MRPL21: variants seen among roughly 807,000 people sequenced by gnomAD.
MRPL21 encodes the protein large ribosomal subunit protein bL21m.
In MRPL21, 20 loss-of-function variants were observed where a neutral mutation model predicts 27.3. The ratio of observed to expected loss-of-function variants is 0.73; its 90% confidence interval spans 0.52 to 1.06. The LOEUF (loss-of-function observed/expected upper bound fraction) is 1.06. MRPL21 is among the 50% of genes least tolerant of loss of function. The pLI, the probability that MRPL21 is intolerant of heterozygous loss-of-function variation, is 0.00. For synonymous variants in MRPL21, 98 were observed against 101.5 expected (o/e 0.97, Z 0.21); for missense variants, 249 against 251.4 (o/e 0.99, Z 0.06).
rs536661522 is a variant in MRPL21 at position 68,897,928 on chromosome 11, T to A, written c.231A>T (p.Ala77=). The stretch of plus-strand genomic sequence containing the variant: ...TTCTGTCTCCCAGGGAGGTCTTACC[T>A]GCATGGTGTCTGGTCTCCTCAACTG... ...PDPVEETRHH[A]EVVKKVNEMI... Residue 77 remains alanine (A), a splice_region_variant and synonymous_variant, in exon 3 of 7, where the codon GCA becomes GCT. Coordinates refer to ENST00000362034, the MANE Select transcript of MRPL21 (RefSeq NM_181514.2). 2.5e-6 allele frequency: 4 copies of A among 1,613,788 alleles called. No homozygotes were observed. The East Asian group carries it at 8.9e-5, about 36-fold the overall frequency.
chr11:68,897,838 C>T (rs762041764), intron 3 of MRPL21, 89 bp downstream of exon 3: 14 of 953,974 alleles, frequency 1.5e-5, no homozygotes, highest in Non-Finnish European at 2.0e-5. Flanking sequence ...CATGAAGCCT[C>T]GTTCTGTGGC....
rs201368826 is a variant in MRPL21, at chr11:68,896,694, G to T, written c.233-16C>A. On this transcript the variant is annotated splice_polypyrimidine_tract_variant and intron_variant, in intron 3 of 6. Coordinates refer to ENST00000362034, the MANE Select transcript of MRPL21 (RefSeq NM_181514.2). ...TTCACGACCTCTGCAGGGGAAGGCGGGTGGGTGGGCAGTCACCCTCACCTG... is the reference window on the plus strand; with the variant it reads ...TTCACGACCTCTGCAGGGGAAGGCGTGTGGGTGGGCAGTCACCCTCACCTG... 6.2e-7 allele frequency: 1 copy of T among 1,612,548 alleles called. No individual in the cohort carries two copies. Among genetic ancestry groups the T allele is most frequent in the Non-Finnish European group, 8.5e-7 (1 of 1,179,620 alleles).
intron 1 of MRPL21, among the ~76,000 whole-genome samples, chr11:68,902,685 T>TGGTA (rs1207504032): frequency 4.6e-5 from 7 of 152,224 alleles, no homozygotes; most frequent in Non-Finnish European, 4.4e-5. Flanking sequence ...CATTAGGGGT[T>TGGTA]CACCCTTGGT....
intron 2 of MRPL21, among the ~76,000 whole-genome samples, chr11:68,900,092 T>C (rs146951724): frequency 1.2e-3 from 181 of 152,338 alleles, no homozygotes; most frequent in African/African-American, 4.2e-3. Context: ...TACCTAAAAA[T>C]GTTTTCTCAA....
intron 1 of MRPL21, among the ~76,000 whole-genome samples, chr11:68,901,775 TA>T (rs893227208): frequency 1.3e-5 from 2 of 152,202 alleles, no homozygotes; most frequent in Non-Finnish European, 2.9e-5. Context: ...TGGTTTTGCA[TA>T]CCCACCTATC....
At chr11:68,903,521 G>A (rs767618308) in intron 1 of MRPL21, among the ~76,000 whole-genome samples, 1 of 152,182 alleles carries the variant, frequency 6.6e-6, no homozygotes, top group South Asian at 2.1e-4. Flanking sequence ...AAAGTTCAAG[G>A]GCTATTGTCA....
At chr11:68,894,233 C>T (rs188895533) in intron 4 of MRPL21, among the ~76,000 whole-genome samples, 4 of 152,242 alleles carry the variant, frequency 2.6e-5, no homozygotes, top group Admixed American at 2.0e-4. Context: ...AATCACGACA[C>T]CAAGTGTGGC....
chr11:68,892,789 G>A (rs1255746691), intron 6 of MRPL21, 101 bp downstream of exon 6: 1 of 1,550,526 alleles, frequency 6.4e-7, no homozygotes, highest in Admixed American at 2.0e-5. Context: ...ACCTGCCTGG[G>A]CTTCCTGTCC....
intron 3 of MRPL21, 73 bp downstream of exon 3, chr11:68,897,854 G>T: frequency 8.6e-7 from 1 of 1,167,994 alleles, no homozygotes; most frequent in Non-Finnish European, 1.3e-6. Context: ...GTGGCCTGGT[G>T]ACAACCTCTG....
Position 68,897,938 on chromosome 11 carries a change from C to T in MRPL21, c.221G>A (p.Arg74Lys), listed in dbSNP as rs368027804. ...VVLPDPVEET[R>K]HHAEVVKKVN... ...CAGGGAGGTCTTACCTGCATGGTGT[C>T]TGGTCTCCTCAACTGGGTCTGGCAG... The change falls in exon 3 of 7, where the codon AGA becomes AAA. Residue 74 changes from arginine to lysine, a missense_variant. Coordinates refer to ENST00000362034, the MANE Select transcript of MRPL21 (RefSeq NM_181514.2). 6.2e-7 allele frequency: 1 copy of T among 1,614,120 alleles called. No homozygotes were observed. Among genetic ancestry groups the T allele is most frequent in the East Asian group, 2.2e-5 (1 of 44,882 alleles).
intron 2 of MRPL21, among the ~76,000 whole-genome samples, chr11:68,898,657 C>G (rs1293407809): frequency 6.6e-6 from 1 of 152,234 alleles, no homozygotes; most frequent in East Asian, 1.9e-4. Flanking sequence ...TATTAGATGG[C>G]TACTGTTCAC....
Position 68,897,048 on chromosome 11 carries a change from T to G in MRPL21, c.233-370A>C, listed in dbSNP as rs118095046. On this transcript the variant is annotated intron_variant, in intron 3 of 6. Coordinates refer to ENST00000362034, the MANE Select transcript of MRPL21 (RefSeq NM_181514.2). ...AAACCCTCCACCTGGTTCATTCTCA[T>G]GAGAATGAGGAGCCAGCAGACCAGA... Among the ~76,000 whole-genome samples, 193 of 152,214 alleles carry G rather than the reference T, an allele frequency of 1.3e-3. 2 individuals are homozygous for G. The East Asian group carries it at 0.033, about 26-fold the overall frequency.
chr11:68,896,625 A>G lies in MRPL21; in HGVS notation c.286T>C (p.Phe96Leu). The part of the protein sequence containing the change: ...MIVTGQYGRL[F>L]AVVHFASRQW... ...CGGCTGGCAAAGTGCACCACGGCAA[A>G]GAGCCTGCCATACTGCCCCGTGACG... The change falls in exon 4 of 7, where the codon TTT (phenylalanine) becomes CTT (leucine). Residue 96 changes from phenylalanine (F) to leucine (L), a missense_variant. Coordinates refer to ENST00000362034, the MANE Select transcript of MRPL21 (RefSeq NM_181514.2). The G allele has an allele frequency of 1.2e-6, 2 of 1,614,210 alleles. No homozygotes were observed. Among genetic ancestry groups the G allele is most frequent in the Non-Finnish European group, 1.7e-6 (2 of 1,180,028 alleles).
intron 1 of MRPL21, among the ~76,000 whole-genome samples, chr11:68,901,955 C>G (rs1857947163): frequency 6.6e-6 from 1 of 152,208 alleles, no homozygotes; most frequent in African/African-American, 2.4e-5. Context: ...CTCTCGCACA[C>G]TACTCAGTCA....
chr11:68,893,094 A>T (rs1857693740), intron 5 of MRPL21, 101 bp from the exon 6 acceptor site: 1 of 1,390,512 alleles, frequency 7.2e-7, no homozygotes, highest in Non-Finnish European at 9.5e-7. Flanking sequence ...TCTTTTGTTG[A>T]TTATAAAAGT....
chr11:68,891,953 G>A (rs1402076307), intron 6 of MRPL21: 8 of 689,332 alleles, frequency 1.2e-5, no homozygotes, highest in African/African-American at 1.8e-5. Flanking sequence ...TGTCCTCAGT[G>A]CAGACCTGCT....
At chr11:68,893,371 CCAGA>C (rs1335030299) in intron 5 of MRPL21, 28 bp downstream of exon 5, 3 of 1,613,958 alleles carry the variant, frequency 1.9e-6, no homozygotes, top group Non-Finnish European at 2.5e-6. Context: ...CCCTGGAGCC[CCAGA>C]CAAAGCCCAG....
chr11:68,896,758 G>C lies in MRPL21; in HGVS notation c.233-80C>G, dbSNP rs114582339. ...TGCAGTGTGATGTGCAGCTCCTGGT[G>C]GTGGGGCCCTAGGGTGGACCTGACA... On this transcript the variant is annotated intron_variant, in intron 3 of 6. Coordinates refer to ENST00000362034, the MANE Select transcript of MRPL21 (RefSeq NM_181514.2). 1.2e-3 allele frequency: 1,843 copies of C among 1,573,788 alleles called. 15 individuals carry two copies. In the African/African-American group the frequency reaches 0.019, roughly 17 times the overall value.
intron 2 of MRPL21, among the ~76,000 whole-genome samples, chr11:68,899,962 T>G (rs1857892644): frequency 6.6e-6 from 1 of 152,264 alleles, no homozygotes. Context: ...CGTCCCAGGC[T>G]GTGAGGGGCA....
Sources: allele counts gnomAD v4.1 joint callset (sites outside exome capture counted in the v4.1 genomes callset), GRCh38; gene constraint gnomAD v4.1.1; transcripts MANE v1.5; gene names NCBI Gene and HGNC (gene_info 2026-07-23, HGNC 2026-07-21).